Variants in ASCC3 observed in about 807,000 individuals in gnomAD.
ASCC3 encodes ASC-1 complex subunit P200.
A neutral mutation model predicts 256.3 loss-of-function variants in ASCC3; 158 were observed. That is an observed-to-expected ratio of 0.62 (90% CI 0.54 to 0.70). ASCC3 has a LOEUF of 0.70. ASCC3 is among the 30% of genes least tolerant of loss of function. The pLI, the probability that ASCC3 is intolerant of heterozygous loss-of-function variation, is 0.00. For synonymous variants in ASCC3, 948 were observed against 883.4 expected, an observed-to-expected ratio of 1.07 and a Z score of -1.30; for missense variants, 2,259 against 2,626.0, an observed-to-expected ratio of 0.86 and a Z score of 3.05.
intron 19 of ASCC3, 27 bp downstream of exon 19, chr6:100,651,533 T>C: frequency 4.2e-6 from 6 of 1,440,704 alleles, no homozygotes; most frequent in Non-Finnish European, 4.8e-6. Context: ...GTTGTATGCA[T>C]TTGATTCAAA....
At chr6:100,822,352 C>A (rs1225354691) in intron 4 of ASCC3, among the ~76,000 whole-genome samples, 1 of 151,986 alleles carries the variant, frequency 6.6e-6, no homozygotes, top group Non-Finnish European at 1.5e-5. Flanking sequence ...ACCTGGGCAA[C>A]AAAGTAAGAC....
intron 30 of ASCC3, among the ~76,000 whole-genome samples, chr6:100,622,966 A>G (rs950032433): frequency 1.3e-5 from 2 of 152,126 alleles, no homozygotes; most frequent in Non-Finnish European, 2.9e-5. Context: ...ACTTTAAGCA[A>G]ACATCCCAAA....
At chr6:100,682,930 C>G (rs546551054) in intron 13 of ASCC3, among the ~76,000 whole-genome samples, 5 of 152,248 alleles carry the variant, frequency 3.3e-5, no homozygotes, top group Admixed American at 3.3e-4. Flanking sequence ...TTAAAGCCAG[C>G]TGAGTAAGGA....
At chr6:100,804,441 AG>A (rs1305522614) in intron 5 of ASCC3, among the ~76,000 whole-genome samples, 2 of 152,100 alleles carry the variant, frequency 1.3e-5, no homozygotes, top group African/African-American at 4.8e-5. Context: ...GCTATGCAGA[AG>A]CTCTTCAGTT....
intron 37 of ASCC3, chr6:100,530,918 C>T: frequency 7.6e-7 from 1 of 1,319,934 alleles, no homozygotes; most frequent in Non-Finnish European, 1.1e-6. Context: ...CACTTGGAAT[C>T]TTCTTTTAGA....
chr6:100,655,035 A>C lies in ASCC3; in HGVS notation c.2823+664T>G, dbSNP rs893464211. ...AATATCCATATGATCATTGTAGAAT[A>C]ATGTTTTCATTAGACAACAACTGGA... is the stretch of plus-strand genomic sequence containing the variant. On this transcript the variant is annotated intron_variant, in intron 17 of 41. Transcript: ENST00000369162. Among the ~76,000 whole-genome samples, 3 of 151,984 alleles carry C rather than the reference A, an allele frequency of 2.0e-5. No individual in the cohort carries two copies. In the South Asian group the frequency reaches 6.2e-4, roughly 31 times the overall value.
At chr6:100,552,616 G>A (rs1428826790) in intron 36 of ASCC3, among the ~76,000 whole-genome samples, 2 of 151,820 alleles carry the variant, frequency 1.3e-5, no homozygotes, top group Admixed American at 6.6e-5. Flanking sequence ...GCTCACAAAA[G>A]TACATCAATG....
intron 13 of ASCC3, among the ~76,000 whole-genome samples, chr6:100,695,970 T>C (rs1280264833): frequency 6.6e-6 from 1 of 152,152 alleles, no homozygotes; most frequent in Non-Finnish European, 1.5e-5. Flanking sequence ...TCTTAGACAC[T>C]TCACAGTTTC....
At chr6:100,878,940 C>A (rs145148846) in intron 1 of ASCC3, among the ~76,000 whole-genome samples, 89 of 152,240 alleles carry the variant, frequency 5.8e-4, no homozygotes, top group African/African-American at 2.0e-3. Context: ...ATTGAAGGCC[C>A]AATCCCACAA....
intron 5 of ASCC3, among the ~76,000 whole-genome samples, chr6:100,805,327 A>C (rs1307369289): frequency 6.6e-6 from 1 of 152,128 alleles, no homozygotes. Flanking sequence ...ACAGACACAA[A>C]GATGGAAACA....
At chr6:100,799,967 C>A (rs1423780580) in intron 6 of ASCC3, among the ~76,000 whole-genome samples, 2 of 151,988 alleles carry the variant, frequency 1.3e-5, no homozygotes, top group African/African-American at 4.8e-5. Context: ...TTAAAAGGTA[C>A]ATTGAGCACA....
Position 100,662,120 on chromosome 6 carries a change from A to C in ASCC3, c.2479-90T>G, listed in dbSNP as rs575007604. The C allele has an allele frequency of 1.3e-4, 169 of 1,299,528 alleles. No homozygotes were observed. In the African/African-American group the frequency reaches 2.2e-3, roughly 17 times the overall value. The allele number at this position is 1,299,528 out of a possible 1,614,324, so 80.5% of individuals were successfully genotyped here. A position where few individuals can be genotyped will look rare whatever the true frequency, so the allele number is the denominator to read the frequency against. ...ATACTGAAATTAGGCAAATATGGCA[A>C]GATCTCAAAAGTGTACTTTAACTAA... On this transcript the variant is annotated intron_variant, in intron 15 of 41. Transcript: ENST00000369162.
chr6:100,586,120 C>A (rs539776680), intron 36 of ASCC3, among the ~76,000 whole-genome samples: 206 of 152,306 alleles, frequency 1.4e-3, no homozygotes, highest in African/African-American at 4.3e-3. Context: ...AAGCTGTCAG[C>A]CAGGGACATT....
At chr6:100,703,367 G>T (rs1365256052) in intron 13 of ASCC3, among the ~76,000 whole-genome samples, 2 of 151,966 alleles carry the variant, frequency 1.3e-5, no homozygotes, top group Non-Finnish European at 2.9e-5. Context: ...TAGGAGAGAA[G>T]AGACAAATAC....
At chr6:100,520,474 T>C (rs1249608211) in intron 37 of ASCC3, among the ~76,000 whole-genome samples, 2 of 151,996 alleles carry the variant, frequency 1.3e-5, no homozygotes, top group East Asian at 1.9e-4. Flanking sequence ...CCATTCCTTG[T>C]ACTTTGTCCC....
At position 100,821,621 on chromosome 6, in the gene ASCC3, C is replaced by T. The variant is rs577635494; in HGVS notation, c.802-15741G>A. Among the ~76,000 whole-genome samples the T allele has an allele frequency of 4.6e-5, 7 of 152,000 alleles. No individual in the cohort carries two copies. The South Asian group carries it at 8.3e-4, about 18-fold the overall frequency. ...TGGGTGGATCACAAGGTCAGGAGTT[C>T]GAGGCCAGCCTGGCTGACATGGTGA... is the stretch of plus-strand genomic sequence containing the variant. On this transcript the variant is annotated intron_variant, in intron 4 of 41. Coordinates refer to ENST00000369162, the MANE Select transcript of ASCC3 (RefSeq NM_006828.4).
chr6:100,558,243 TATTTCTGGTAAAAAA>T (rs1329258830), intron 36 of ASCC3, among the ~76,000 whole-genome samples: 11 of 152,094 alleles, frequency 7.2e-5, no homozygotes, highest in Non-Finnish European at 1.6e-4. Flanking sequence ...CTGATATATA[TATTTCTGGTAAAAAA>T]ATTTTCTATA....
intron 10 of ASCC3, among the ~76,000 whole-genome samples, chr6:100,760,488 G>A (rs935696043): frequency 2.6e-5 from 4 of 152,272 alleles, no homozygotes; most frequent in African/African-American, 7.2e-5. Context: ...CAACTTGATC[G>A]TTGTGGATAA....
chr6:100,687,645 G>A (rs1777646684), intron 13 of ASCC3, among the ~76,000 whole-genome samples: 1 of 151,856 alleles, frequency 6.6e-6, no homozygotes, highest in African/African-American at 2.4e-5. Context: ...TATTTGCTAT[G>A]GTTATTTTAC....
Sources: gnomAD v4.1 joint callset for allele counts (sites outside exome capture counted in the v4.1 genomes callset) on GRCh38, gnomAD v4.1.1 for gene constraint, MANE v1.5 for transcripts, NCBI Gene and HGNC (gene_info 2026-07-23, HGNC 2026-07-21) for gene names.